The following GRID2 variants were observed in gnomAD, a reference collection of about 807,000 sequenced individuals.
The protein encoded by GRID2 is glutamate receptor ionotropic, delta-2.
Under a neutral mutation model 114.8 loss-of-function variants are expected in GRID2, and 33 were observed. The ratio of observed to expected loss-of-function variants is 0.29; its 90% confidence interval spans 0.22 to 0.38. The LOEUF (loss-of-function observed/expected upper bound fraction) is 0.38, where lower values mean the gene tolerates loss of function less well. GRID2 is among the 10% of genes least tolerant of loss of function. The pLI, the probability that GRID2 is intolerant of heterozygous loss-of-function variation, is 1.00. For synonymous variants in GRID2, 505 were observed against 449.9 expected (o/e 1.12, Z -1.55); for missense variants, 1,184 against 1,257.7 (o/e 0.94, Z 0.89).
At chr4:93,528,891 G>A (rs1447575833) in intron 13 of GRID2, among the ~76,000 whole-genome samples, 1 of 152,102 alleles carries the variant, frequency 6.6e-6, no homozygotes, top group African/African-American at 2.4e-5. Context: ...TCACAGTTAT[G>A]GAGCTGAAAG....
intron 7 of GRID2, among the ~76,000 whole-genome samples, chr4:93,235,296 A>T (rs1746646559): frequency 6.6e-6 from 1 of 152,154 alleles, no homozygotes; most frequent in Admixed American, 6.6e-5. Context: ...CTGCCAATTT[A>T]AAGGACGTTT....
At chr4:93,602,620 G>A (rs1336476517) in intron 13 of GRID2, among the ~76,000 whole-genome samples, 1 of 152,194 alleles carries the variant, frequency 6.6e-6, no homozygotes, top group East Asian at 1.9e-4. Flanking sequence ...AACTTAATCA[G>A]TAAATGTGTT....
At chr4:93,105,342 T>C (rs577299385) in intron 3 of GRID2, among the ~76,000 whole-genome samples, 1 of 152,328 alleles carries the variant, frequency 6.6e-6, no homozygotes, top group East Asian at 1.9e-4. Context: ...TTGGCTTTTG[T>C]TGCCATTGCT....
At chr4:93,658,779 C>T (rs1160314635) in intron 14 of GRID2, among the ~76,000 whole-genome samples, 1 of 152,104 alleles carries the variant, frequency 6.6e-6, no homozygotes, top group African/African-American at 2.4e-5. Flanking sequence ...AGGGTAAGAG[C>T]AATTTTAGAA....
At chr4:92,978,670 A>G (rs1324815056) in intron 2 of GRID2, among the ~76,000 whole-genome samples, 1 of 152,156 alleles carries the variant, frequency 6.6e-6, no homozygotes. Flanking sequence ...TGAAGGAGAA[A>G]TTTAGAAAAG....
At chr4:92,940,777 A>C (rs111315999) in intron 2 of GRID2, among the ~76,000 whole-genome samples, 17,398 of 152,010 alleles carry the variant, frequency 0.11, 1,443 homozygotes, top group East Asian at 0.25. Context: ...TTTAGCATGA[A>C]GGGTTGTTGA....
At chr4:92,529,295 G>A (rs1725212294) in intron 1 of GRID2, among the ~76,000 whole-genome samples, 1 of 151,836 alleles carries the variant, frequency 6.6e-6, no homozygotes, top group East Asian at 1.9e-4. Context: ...GAGAGAGAAT[G>A]ACAAACGTGT....
intron 2 of GRID2, among the ~76,000 whole-genome samples, chr4:92,855,118 G>A (rs1463362127): frequency 6.6e-6 from 1 of 152,006 alleles, no homozygotes; most frequent in African/African-American, 2.4e-5. Flanking sequence ...CCTTTTGGAT[G>A]TCCCAAATCT....
At chr4:92,510,930 C>T (rs747728403) in intron 1 of GRID2, among the ~76,000 whole-genome samples, 11 of 149,356 alleles carry the variant, frequency 7.4e-5, no homozygotes, top group South Asian at 2.1e-4. Context: ...AAACCAGGAG[C>T]GTGATGTCTT....
intron 2 of GRID2, among the ~76,000 whole-genome samples, chr4:92,928,844 A>G (rs1423694585): frequency 6.6e-6 from 1 of 151,510 alleles, no homozygotes; most frequent in African/African-American, 2.4e-5. Flanking sequence ...ATAGTCATTC[A>G]CAGAGCAAAA....
At chr4:92,684,967 T>G (rs1384789698) in intron 2 of GRID2, among the ~76,000 whole-genome samples, 1 of 152,072 alleles carries the variant, frequency 6.6e-6, no homozygotes, top group Non-Finnish European at 1.5e-5. Context: ...AGCTTTCTAA[T>G]TACTACTAAT....
chr4:93,788,283 A>C (rs1015646176), intron 1 of GRID2, among the ~76,000 whole-genome samples: 2 of 151,810 alleles, frequency 1.3e-5, no homozygotes, highest in Admixed American at 1.3e-4. Context: ...ACACCATTGC[A>C]CTCCAGCCAG....
intron 2 of GRID2, among the ~76,000 whole-genome samples, chr4:92,684,298 T>A (rs763337521): frequency 6.6e-6 from 1 of 151,964 alleles, no homozygotes; most frequent in Admixed American, 6.6e-5. Flanking sequence ...GTGGGAAAAA[T>A]AGAGGTAAAA....
chr4:93,316,335 A>AAG (rs1560490937), intron 8 of GRID2, among the ~76,000 whole-genome samples: 5 of 48,418 alleles, frequency 1.0e-4, no homozygotes, highest in African/African-American at 4.8e-4. Context: ...AAAGAAAGAA[A>AAG]GAAAGAAGGA....
intron 2 of GRID2, among the ~76,000 whole-genome samples, chr4:93,017,528 A>G (rs1176452650): frequency 6.6e-6 from 1 of 152,052 alleles, no homozygotes; most frequent in Non-Finnish European, 1.5e-5. Flanking sequence ...TTCTATATAT[A>G]TATGGCCACG....
intron 10 of GRID2, among the ~76,000 whole-genome samples, chr4:93,425,928 AT>A (rs749450284): frequency 1.3e-5 from 2 of 151,944 alleles, no homozygotes; most frequent in South Asian, 2.1e-4. Context: ...TTTTCTATAT[AT>A]TTTTTTCAAT....
chr4:92,822,398 T>G (rs529110713), intron 2 of GRID2: 24 of 589,530 alleles, frequency 4.1e-5, no homozygotes, highest in Middle Eastern at 3.5e-4. Flanking sequence ...GTTAGCCAGA[T>G]TCCGTACCTT....
At chr4:92,822,655 G>A in intron 2 of GRID2, 1 of 161,234 alleles carries the variant, frequency 6.2e-6, no homozygotes, top group Non-Finnish European at 1.4e-5. Flanking sequence ...CCCTTTGTCA[G>A]ATCCCAGAAG....
intron 8 of GRID2, among the ~76,000 whole-genome samples, chr4:93,243,370 G>T (rs1021335701): frequency 6.6e-6 from 1 of 151,870 alleles, no homozygotes; most frequent in Non-Finnish European, 1.5e-5. Context: ...ATAACACCAC[G>T]CAAACAATTG....
Sources: gnomAD v4.1 joint callset for allele counts (sites outside exome capture counted in the v4.1 genomes callset) on GRCh38, gnomAD v4.1.1 for gene constraint, MANE v1.5 for transcripts, NCBI Gene and HGNC (gene_info 2026-07-23, HGNC 2026-07-21) for gene names.